RANBP17: variants seen among roughly 807,000 people sequenced by gnomAD.
RANBP17 encodes RAN binding protein 17.
RANBP17 carries 158 observed loss-of-function variants against 141.2 expected under a neutral mutation model. The ratio of observed to expected loss-of-function variants is 1.12; its 90% CI spans 0.98 to 1.28. The LOEUF (loss-of-function observed/expected upper bound fraction) is 1.28, where lower values mean the gene tolerates loss of function less well. Among genes scored for constraint, RANBP17 ranks in the 50% most tolerant of loss-of-function variants. The pLI, the probability that RANBP17 is intolerant of heterozygous loss-of-function variation, is 0.00. For synonymous variants in RANBP17, 430 were observed against 450.0 expected, an observed-to-expected ratio of 0.96 and a Z score of 0.56; for missense variants, 1,438 against 1,290.7, an observed-to-expected ratio of 1.11 and a Z score of -1.75.
intron 25 of RANBP17, among the ~76,000 whole-genome samples, chr5:171,276,426 C>T (rs937364651): frequency 4.6e-5 from 7 of 152,164 alleles, no homozygotes; most frequent in Non-Finnish European, 8.8e-5. Context: ...GAAGCCAGCT[C>T]TTTGTGAAGA....
chr5:171,268,862 A>G (rs547960298), intron 25 of RANBP17, among the ~76,000 whole-genome samples: 1 of 152,322 alleles, frequency 6.6e-6, no homozygotes, highest in Non-Finnish European at 1.5e-5. Context: ...ACAAAATACC[A>G]TATCATGTTT....
chr5:171,266,447 A>G (rs528538696), intron 25 of RANBP17, among the ~76,000 whole-genome samples: 93 of 152,204 alleles, frequency 6.1e-4, no homozygotes, highest in Non-Finnish European at 9.8e-4. Context: ...CAAGTTTAAT[A>G]CCATTTTTTA....
chr5:170,885,531 C>A (rs369953307), intron 3 of RANBP17, among the ~76,000 whole-genome samples: 4 of 152,302 alleles, frequency 2.6e-5, no homozygotes, highest in East Asian at 1.9e-4. Context: ...TATAATCATT[C>A]TTAACCTCTT....
intron 14 of RANBP17, among the ~76,000 whole-genome samples, chr5:171,110,044 G>A (rs1755113043): frequency 6.6e-6 from 1 of 151,982 alleles, no homozygotes; most frequent in Admixed American, 6.6e-5. Context: ...TCACTTAGAA[G>A]TGGTAGTATT....
chr5:171,265,744 A>C lies in RANBP17; in HGVS notation c.2840A>C (p.His947Pro). The C allele has an allele frequency of 6.2e-7, 1 of 1,614,178 alleles. No homozygotes were observed. Among genetic ancestry groups the C allele is most frequent in the Non-Finnish European group, 8.5e-7 (1 of 1,180,012 alleles). ...LDYIVTYLFK[H>P]IAKEGKKPLR... ...TACATCGTCACCTACCTCTTCAAGC[A>C]CATAGCAAAAGAGGGCAAGAAGCCA... The change falls in exon 25 of 28, where the codon CAC becomes CCC. Residue 947 changes from histidine (H) to proline (P), a missense_variant. Physicochemically the swap from His to Pro is moderately conservative, Grantham distance 77 (BLOSUM62 -2). Coordinates refer to ENST00000523189, the MANE Select transcript of RANBP17 (RefSeq NM_022897.5).
At chr5:170,961,433 A>T (rs1473902268) in intron 13 of RANBP17, among the ~76,000 whole-genome samples, 1 of 152,218 alleles carries the variant, frequency 6.6e-6, no homozygotes, top group African/African-American at 2.4e-5. Context: ...GCTTTTTACC[A>T]GAAATAATTT....
intron 18 of RANBP17, 50 bp downstream of exon 18, chr5:171,183,480 G>A (rs758330253): frequency 3.1e-4 from 386 of 1,260,748 alleles, no homozygotes; most frequent in Non-Finnish European, 4.3e-4. Flanking sequence ...CAATACACTT[G>A]TGTGAATAAA....
rs540273893 is a variant in RANBP17, at chr5:171,245,345, G to A, written c.2776+2525G>A. 3.3e-5 allele frequency among the ~76,000 whole-genome samples: 5 copies of A among 152,130 alleles called. No individual in the cohort carries two copies. In the South Asian group the frequency reaches 8.3e-4, roughly 25 times the overall value. ...TTTTATTTTTTGGAGACAGAGCTTC[G>A]CTCTTGTTGCCCAGGCTGGAGTGCA... is the stretch of plus-strand genomic sequence containing the variant. On this transcript the variant is annotated intron_variant, in intron 24 of 27. Coordinates refer to ENST00000523189, the MANE Select transcript of RANBP17 (RefSeq NM_022897.5).
At chr5:171,040,805 C>T (rs1581470140) in intron 14 of RANBP17, among the ~76,000 whole-genome samples, 1 of 152,172 alleles carries the variant, frequency 6.6e-6, no homozygotes, top group Non-Finnish European at 1.5e-5. Flanking sequence ...TTCTTCCTCG[C>T]TGCATTCTGC....
chr5:171,123,761 A>G (rs778559827), intron 14 of RANBP17, among the ~76,000 whole-genome samples: 1 of 152,366 alleles, frequency 6.6e-6, no homozygotes, highest in Non-Finnish European at 1.5e-5. Flanking sequence ...AGGAACTTAC[A>G]GGCACCACTG....
At chr5:171,294,340 T>A (rs1768688229) in intron 26 of RANBP17, among the ~76,000 whole-genome samples, 1 of 152,040 alleles carries the variant, frequency 6.6e-6, no homozygotes, top group African/African-American at 2.4e-5. Flanking sequence ...ATATCTGAGA[T>A]CCCCACTGCC....
intron 14 of RANBP17, among the ~76,000 whole-genome samples, chr5:171,035,737 GTTTT>G (rs781327156): frequency 0.11 from 10,742 of 95,454 alleles, 1,179 homozygotes; most frequent in African/African-American, 0.29. Context: ...TTCTTTTTTT[GTTTT>G]TTTTTTTTTT....
chr5:171,046,496 C>G (rs142347696), intron 14 of RANBP17, among the ~76,000 whole-genome samples: 2 of 151,948 alleles, frequency 1.3e-5, no homozygotes, highest in Non-Finnish European at 2.9e-5. Flanking sequence ...GATGAGCCAC[C>G]GTGCCCGGCC....
intron 14 of RANBP17, among the ~76,000 whole-genome samples, chr5:171,139,031 C>G (rs1482993377): frequency 6.6e-6 from 1 of 152,070 alleles, no homozygotes; most frequent in Non-Finnish European, 1.5e-5. Flanking sequence ...GAGCTGTGAT[C>G]ATGCCACTTG....
At chr5:171,134,765 A>G (rs1376071237) in intron 14 of RANBP17, among the ~76,000 whole-genome samples, 3 of 151,902 alleles carry the variant, frequency 2.0e-5, no homozygotes, top group Non-Finnish European at 2.9e-5. Context: ...TACAAAAAAT[A>G]CAAAAATTGA....
intron 14 of RANBP17, among the ~76,000 whole-genome samples, chr5:170,980,338 A>G (rs1044993733): frequency 4.6e-5 from 7 of 152,220 alleles, no homozygotes; most frequent in East Asian, 3.9e-4. Context: ...AGAAATTTGT[A>G]TAAGTAATGA....
chr5:170,913,193 A>G (rs1265191743), intron 7 of RANBP17, among the ~76,000 whole-genome samples: 3 of 152,038 alleles, frequency 2.0e-5, no homozygotes, highest in African/African-American at 7.2e-5. Flanking sequence ...TAAGGAAGCT[A>G]CTTGATGTAC....
chr5:171,170,340 C>G, intron 15 of RANBP17, 137 bp downstream of exon 15: 1 of 442,098 alleles, frequency 2.3e-6, no homozygotes, highest in Non-Finnish European at 4.0e-6. Flanking sequence ...AGAATGTTAG[C>G]ATTGTTCTTA....
chr5:171,040,958 G>A (rs1782209497), intron 14 of RANBP17, among the ~76,000 whole-genome samples: 1 of 152,108 alleles, frequency 6.6e-6, no homozygotes, highest in Admixed American at 6.6e-5. Flanking sequence ...TCTTTTATGA[G>A]GTTTCAGTCG....
Sources: allele counts gnomAD v4.1 joint callset (sites outside exome capture counted in the v4.1 genomes callset), GRCh38; gene constraint gnomAD v4.1.1; transcripts MANE v1.5; gene names NCBI Gene and HGNC (gene_info 2026-07-23, HGNC 2026-07-21).